The following PIWIL1 variants were observed in gnomAD, a reference collection of about 807,000 sequenced individuals.
PIWIL1 encodes the protein piwi-like protein 1.
In PIWIL1, 73 loss-of-function variants were observed where a neutral mutation model predicts 114.4. That is an observed-to-expected ratio of 0.64 (90% CI 0.53 to 0.78). PIWIL1 has a LOEUF of 0.78. PIWIL1 is among the 30% of genes least tolerant of loss of function. The pLI is 0.00. For missense variants in PIWIL1, 723 were observed against 1,063.1 expected (o/e 0.68, Z 4.45); for synonymous variants, 375 against 369.0 (o/e 1.02, Z -0.19).
the PIWIL1 span, among the ~76,000 whole-genome samples, chr12:130,406,611 C>T: frequency 1.3e-5 from 2 of 152,204 alleles, no homozygotes; most frequent in Non-Finnish European, 2.9e-5. Context: ...AATATCCTTT[C>T]ACTGAGTATT....
chr12:130,405,332 C>T, the PIWIL1 span, among the ~76,000 whole-genome samples: 2 of 152,200 alleles, frequency 1.3e-5, no homozygotes, highest in Non-Finnish European at 2.9e-5. Context: ...GGGAATCCTA[C>T]ACATGCCTGC....
chr12:130,399,576 A>T, the PIWIL1 span: 2 of 1,363,280 alleles, frequency 1.5e-6, no homozygotes, highest in Non-Finnish European at 1.0e-6. Context: ...GGGTGTATTT[A>T]CGCTTTTCGG....
chr12:130,406,976 G>C, the PIWIL1 span, among the ~76,000 whole-genome samples: 3 of 152,174 alleles, frequency 2.0e-5, no homozygotes, highest in African/African-American at 7.2e-5. Context: ...CGATGGGCCG[G>C]GCTGCAGCCC....
chr12:130,373,220 A>C (rs1207428947), downstream of PIWIL1, among the ~76,000 whole-genome samples: 1 of 152,210 alleles, frequency 6.6e-6, no homozygotes, highest in Non-Finnish European at 1.5e-5. Flanking sequence ...TCAATGGTAG[A>C]AGTTGCTTAA....
At chr12:130,388,076 G>A in the PIWIL1 span, among the ~76,000 whole-genome samples, 7,377 of 152,184 alleles carry the variant, frequency 0.048, 325 homozygotes, top group East Asian at 0.2. Context: ...ATGCATAGTC[G>A]TTTTCCACCT....
Position 130,348,645 on chromosome 12 carries a change from G to A in PIWIL1, c.734+462G>A, listed in dbSNP as rs2073134289. ...AGGCCGGGCGTGGTGGCTCATGCCT[G>A]TAGTCCCAGCACTTTGGGAGTCCAA... On this transcript the variant is annotated intron_variant, in intron 7 of 20. Transcript: ENST00000245255. 7.2e-5 allele frequency among the ~76,000 whole-genome samples: 11 copies of A among 152,204 alleles called. No homozygotes were observed. The South Asian group carries it at 2.3e-3, about 32-fold the overall frequency.
the PIWIL1 span, among the ~76,000 whole-genome samples, chr12:130,390,980 C>G: frequency 1.3e-5 from 2 of 152,320 alleles, no homozygotes; most frequent in East Asian, 3.9e-4. Context: ...TCTCTGTGCA[C>G]TGGCACATAT....
In PIWIL1 at chr12:130,346,452, C is replaced by T. The variant is rs1377503337; in HGVS notation, c.399C>T (p.His133=). ...CCCAGTGGGCCTTATATCAGTATCACATTGACTATAACCCACTGATGGAAG... is the reference window on the plus strand; with the variant it reads ...CCCAGTGGGCCTTATATCAGTATCATATTGACTATAACCCACTGATGGAAG... ...SRPQWALYQY[H]IDYNPLMEAR... is the part of the protein sequence containing the mutation. The change falls in exon 5 of 21, where the codon CAC becomes CAT. Residue 133 remains histidine (H), a synonymous_variant. Coordinates refer to ENST00000245255, the MANE Select transcript of PIWIL1 (RefSeq NM_004764.5). 8.7e-6 allele frequency: 14 copies of T among 1,613,720 alleles called. No homozygotes were observed. The highest frequency in any genetic ancestry group is 3.3e-5 in the South Asian group (3 of 91,068).
rs1427372012 is a variant in PIWIL1 at position 130,340,472 on chromosome 12, A to G, written c.-12-2108A>G. On this transcript the variant is annotated intron_variant, in intron 1 of 20. Transcript: ENST00000245255. ...GGCAGCCCAGACCCTTGGCACGCCGACTTCACAGTAGGGTTCTCACTCCTA... is the reference window on the plus strand; with the variant it reads ...GGCAGCCCAGACCCTTGGCACGCCGGCTTCACAGTAGGGTTCTCACTCCTA... Among the ~76,000 whole-genome samples the G allele has an allele frequency of 4.6e-5, 7 of 151,976 alleles. No homozygotes were observed. In the East Asian group the frequency reaches 1.4e-3, roughly 29 times the overall value.
intron 9 of PIWIL1, among the ~76,000 whole-genome samples, chr12:130,350,570 C>G (rs1432326506): frequency 6.6e-6 from 1 of 152,178 alleles, no homozygotes; most frequent in South Asian, 2.1e-4. Context: ...CTAGAAGAAA[C>G]TGAACTGTTC....
At chr12:130,352,953 T>C (rs916909306) in intron 9 of PIWIL1, among the ~76,000 whole-genome samples, 1 of 152,214 alleles carries the variant, frequency 6.6e-6, no homozygotes, top group Non-Finnish European at 1.5e-5. Flanking sequence ...CAGATGTGAG[T>C]GTTCTACTTA....
intron 3 of PIWIL1, among the ~76,000 whole-genome samples, chr12:130,343,618 ATTCTTTT>A (rs1565940207): frequency 1.7e-5 from 2 of 117,286 alleles, no homozygotes; most frequent in Non-Finnish European, 3.5e-5. Flanking sequence ...GCATTGAAGG[ATTCTTTT>A]TTTTTTTTTT....
the PIWIL1 span, among the ~76,000 whole-genome samples, chr12:130,390,393 C>T: frequency 6.6e-6 from 1 of 152,136 alleles, no homozygotes; most frequent in African/African-American, 2.4e-5. Context: ...GATGGTGTCT[C>T]CCTTCAGAGC....
At chr12:130,367,965 T>C (rs933608745) in intron 19 of PIWIL1, among the ~76,000 whole-genome samples, 3 of 152,160 alleles carry the variant, frequency 2.0e-5, no homozygotes, top group Non-Finnish European at 4.4e-5. Context: ...GCCGAGCTAA[T>C]TTTTGTGTTT....
intron 19 of PIWIL1, among the ~76,000 whole-genome samples, chr12:130,368,683 A>T (rs756651390): frequency 2.1e-4 from 32 of 152,094 alleles, no homozygotes; most frequent in Non-Finnish European, 3.7e-4. Flanking sequence ...ATTCAAAACG[A>T]CCCCCGATGC....
chr12:130,408,968 C>T, the PIWIL1 span, among the ~76,000 whole-genome samples: 5 of 152,140 alleles, frequency 3.3e-5, no homozygotes, highest in South Asian at 2.1e-4. Flanking sequence ...GACGCACACA[C>T]GCCTCTGTGC....
chr12:130,358,204 C>T lies in PIWIL1; in HGVS notation c.1665+651C>T, dbSNP rs184508957. ...TGTTTGCCAGAGTCTCGCTACCTAG[C>T]GTGGGTGTGTGGGAGGTGCAGAGGG... On this transcript the variant is annotated intron_variant, in intron 14 of 20. Transcript: ENST00000245255. Among the ~76,000 whole-genome samples the T allele has an allele frequency of 8.7e-3, 1,324 of 152,204 alleles. 12 individuals carry two copies. The highest frequency in any genetic ancestry group is 0.015 in the Admixed American group (223 of 15,298).
the PIWIL1 span, among the ~76,000 whole-genome samples, chr12:130,416,428 C>G: frequency 6.6e-6 from 1 of 152,142 alleles, no homozygotes; most frequent in Non-Finnish European, 1.5e-5. Flanking sequence ...CACATGCCTA[C>G]AACCCTCTGA....
the PIWIL1 span, among the ~76,000 whole-genome samples, chr12:130,390,285 T>C: frequency 6.6e-6 from 1 of 152,198 alleles, no homozygotes; most frequent in Non-Finnish European, 1.5e-5. Flanking sequence ...GTCCACTGTC[T>C]TGTGTTTCTA....
Sources: allele counts gnomAD v4.1 joint callset (sites outside exome capture counted in the v4.1 genomes callset), GRCh38; gene constraint gnomAD v4.1.1; transcripts MANE v1.5; gene names NCBI Gene and HGNC (gene_info 2026-07-23, HGNC 2026-07-21).